The following UVRAG variants were observed in gnomAD, a reference collection of about 807,000 sequenced individuals.
The protein encoded by UVRAG is UV radiation resistance associated.
In UVRAG, 19 loss-of-function variants were observed where a neutral mutation model predicts 78.0. The ratio of observed to expected loss-of-function variants is 0.24; its 90% confidence interval spans 0.17 to 0.36. The LOEUF is 0.36. Among genes scored for constraint, UVRAG ranks in the 10% least tolerant of loss-of-function variants. The pLI, the probability that UVRAG is intolerant of heterozygous loss-of-function variation, is 1.00. For missense variants in UVRAG, 740 were observed against 853.8 expected (o/e 0.87, Z 1.66); for synonymous variants, 323 against 324.6 (o/e 1.00, Z 0.05).
intron 13 of UVRAG, among the ~76,000 whole-genome samples, chr11:76,073,633 C>G (rs1408565860): frequency 6.6e-6 from 1 of 152,022 alleles, no homozygotes; most frequent in Non-Finnish European, 1.5e-5. Flanking sequence ...TTCCAAATGA[C>G]CATTGTATAA....
intron 1 of UVRAG, among the ~76,000 whole-genome samples, chr11:75,830,095 T>C (rs1288775985): frequency 6.6e-6 from 1 of 152,118 alleles, no homozygotes; most frequent in Non-Finnish European, 1.5e-5. Context: ...CTGCCTCGTC[T>C]TCCCAAAGTG....
At position 76,142,754 on chromosome 11, in the gene UVRAG, T is replaced by A. The variant is rs918367057; in HGVS notation, c.*1341T>A. ...AGCCTGAACAAAAGCCATGTCTATCTAAGCGGAGGCTGTTGACTTCATTCA... is the reference window on the plus strand; with the variant it reads ...AGCCTGAACAAAAGCCATGTCTATCAAAGCGGAGGCTGTTGACTTCATTCA... On this transcript the variant is annotated 3_prime_UTR_variant, in exon 15 of 15. Coordinates refer to ENST00000356136, the MANE Select transcript of UVRAG (RefSeq NM_003369.4). 1 of 152,258 alleles carries A rather than the reference T, an allele frequency of 6.6e-6. No individual in the cohort carries two copies. Among genetic ancestry groups the A allele is most frequent in the Non-Finnish European group, 1.5e-5 (1 of 68,038 alleles). 9.4% of individuals were successfully genotyped at this position (152,258 alleles called of 1,614,324 possible). A position where few individuals can be genotyped will look rare whatever the true frequency, so the allele number is the denominator to read the frequency against.
intron 8 of UVRAG, among the ~76,000 whole-genome samples, chr11:75,990,642 C>T (rs758740529): frequency 5.9e-5 from 9 of 152,174 alleles, no homozygotes; most frequent in Non-Finnish European, 1.3e-4. Context: ...TTCTATCTTA[C>T]CTGCATACAG....
chr11:75,951,365 A>AC (rs1948698043), intron 6 of UVRAG, among the ~76,000 whole-genome samples: 2 of 141,476 alleles, frequency 1.4e-5, no homozygotes, highest in African/African-American at 5.9e-5. Context: ...GTGTGTATAT[A>AC]TTTTTTGTTT....
intron 1 of UVRAG, among the ~76,000 whole-genome samples, chr11:75,817,991 C>T (rs866980355): frequency 6.6e-6 from 1 of 151,704 alleles, no homozygotes; most frequent in South Asian, 2.1e-4. Flanking sequence ...ACCTGGGAGG[C>T]GCAGGTTGCA....
At chr11:75,851,745 A>C in intron 1 of UVRAG, 138 bp from the exon 2 acceptor site, 2 of 679,936 alleles carry the variant, frequency 2.9e-6, no homozygotes, top group Non-Finnish European at 5.1e-6. Context: ...CATAAATAAG[A>C]GACTGGGTTA....
intron 12 of UVRAG, among the ~76,000 whole-genome samples, chr11:76,029,862 A>G (rs958579856): frequency 2.0e-5 from 3 of 152,186 alleles, no homozygotes; most frequent in African/African-American, 4.8e-5. Flanking sequence ...CAAAAACTTC[A>G]TTGTCTTATT....
chr11:76,135,862 C>A (rs1437651302), intron 14 of UVRAG, among the ~76,000 whole-genome samples: 3 of 152,182 alleles, frequency 2.0e-5, no homozygotes, highest in African/African-American at 4.8e-5. Flanking sequence ...TACTGTGTTT[C>A]CTAATATGTC....
chr11:76,116,441 A>AG (rs1304967620), intron 14 of UVRAG, among the ~76,000 whole-genome samples: 1 of 152,222 alleles, frequency 6.6e-6, no homozygotes, highest in Non-Finnish European at 1.5e-5. Context: ...GGAATAGGTC[A>AG]GGGGGTCAGG....
At chr11:75,830,171 C>G (rs749728847) in intron 1 of UVRAG, among the ~76,000 whole-genome samples, 4 of 151,962 alleles carry the variant, frequency 2.6e-5, no homozygotes, top group Non-Finnish European at 5.9e-5. Context: ...TTCTGGGTAT[C>G]AGATACTGCA....
In UVRAG at chr11:75,915,435, T is replaced by G. The variant is rs112587527; in HGVS notation, c.593+3396T>G. ...TGTGGGATAGTAATTGAACTATTCC[T>G]TCTTAACTCTTGGAAATCTCTGGAT... is the stretch of plus-strand genomic sequence containing the variant. On this transcript the variant is annotated intron_variant, in intron 6 of 14. Coordinates refer to ENST00000356136, the MANE Select transcript of UVRAG (RefSeq NM_003369.4). 5.0e-3 allele frequency among the ~76,000 whole-genome samples: 760 copies of G among 152,364 alleles called. 1 individual carries two copies. Among genetic ancestry groups the G allele is most frequent in the South Asian group, 0.012 (59 of 4,830 alleles).
intron 1 of UVRAG, among the ~76,000 whole-genome samples, chr11:75,830,947 T>G (rs1453993622): frequency 1.3e-5 from 2 of 152,320 alleles, no homozygotes; most frequent in East Asian, 3.9e-4. Flanking sequence ...GTGCCTAAAC[T>G]AAGTTAGGCA....
intron 4 of UVRAG, among the ~76,000 whole-genome samples, chr11:75,882,947 A>G (rs1181752740): frequency 6.6e-6 from 1 of 152,218 alleles, no homozygotes; most frequent in Non-Finnish European, 1.5e-5. Flanking sequence ...AAACTTAGAA[A>G]ATAATGACTT....
chr11:76,064,935 C>T (rs896517225), intron 12 of UVRAG, among the ~76,000 whole-genome samples: 1 of 152,160 alleles, frequency 6.6e-6, no homozygotes, highest in Non-Finnish European at 1.5e-5. Flanking sequence ...GTATCAGATG[C>T]TAAAACTTTT....
At chr11:75,914,292 G>A (rs1354064756) in intron 6 of UVRAG, 2 of 152,174 alleles carry the variant, frequency 1.3e-5, no homozygotes, top group African/African-American at 2.4e-5. Flanking sequence ...ACTCTAGTTC[G>A]TGGTTTCCTC....
intron 12 of UVRAG, among the ~76,000 whole-genome samples, chr11:76,042,970 A>G (rs1298370638): frequency 1.3e-5 from 2 of 152,176 alleles, no homozygotes; most frequent in Non-Finnish European, 1.5e-5. Context: ...TTAATGTAAT[A>G]AAGTTTCTGA....
At chr11:76,095,395 G>A (rs1951770058) in intron 13 of UVRAG, among the ~76,000 whole-genome samples, 1 of 151,738 alleles carries the variant, frequency 6.6e-6, no homozygotes, top group Non-Finnish European at 1.5e-5. Flanking sequence ...AAACATTGTT[G>A]CAGTTATATA....
intron 3 of UVRAG, among the ~76,000 whole-genome samples, chr11:75,874,050 C>T (rs1946709301): frequency 6.6e-6 from 1 of 152,152 alleles, no homozygotes; most frequent in Admixed American, 6.5e-5. Context: ...TGTCTCAGCT[C>T]TAGTCAGCTG....
chr11:76,121,621 G>A (rs1483973585), intron 14 of UVRAG, among the ~76,000 whole-genome samples: 4 of 152,112 alleles, frequency 2.6e-5, no homozygotes, highest in South Asian at 4.1e-4. Context: ...CTGTGTGATG[G>A]GGCCCCAGCA....
Sources: gnomAD v4.1 joint callset for allele counts (sites outside exome capture counted in the v4.1 genomes callset) on GRCh38, gnomAD v4.1.1 for gene constraint, MANE v1.5 for transcripts, NCBI Gene and HGNC (gene_info 2026-07-23, HGNC 2026-07-21) for gene names.